PPP2R2B: variants seen among roughly 807,000 people sequenced by gnomAD.
The protein encoded by PPP2R2B is serine/threonine-protein phosphatase 2A 55 kDa regulatory subunit B beta isoform.
A neutral mutation model predicts 46.0 loss-of-function variants in PPP2R2B; 5 were observed. The observed-to-expected ratio is 0.11, with a 90% CI of 0.06 to 0.23. PPP2R2B has a LOEUF of 0.23. Ranked by LOEUF, PPP2R2B falls within the 10% of genes least tolerant of loss-of-function variation. The probability of loss-of-function intolerance (pLI) is 1.00; values close to 1 mark genes in which losing one functional copy is unlikely to be tolerated. For synonymous variants in PPP2R2B, 215 were observed against 206.7 expected (o/e 1.04, Z -0.34); for missense variants, 367 against 575.0 (o/e 0.64, Z 3.70).
chr5:146,592,128 T>C lies in PPP2R2B; in HGVS notation c.1052+843A>G, dbSNP rs1466090148. On this transcript the variant is annotated intron_variant, in intron 9 of 9. Coordinates refer to ENST00000394411, the MANE Select transcript of PPP2R2B (RefSeq NM_181675.4). ...TGTTCTTATGTCACAGTTGCTTTGC[T>C]CTCTGTCCTATACCAACTGGTCAGT... is the stretch of plus-strand genomic sequence containing the variant. The C allele has an allele frequency of 6.7e-6, 3 of 447,022 alleles. No homozygotes were observed. In the Admixed American group the frequency reaches 7.3e-5, roughly 11 times the overall value. 27.7% of individuals were successfully genotyped at this position (447,022 alleles called of 1,614,324 possible).
At position 146,581,508 on chromosome 5, in the gene PPP2R2B, C is replaced by G. The variant is rs577976537; in HGVS notation, c.*8439G>C. The G allele has an allele frequency of 6.6e-6, 1 of 152,244 alleles. No homozygotes were observed. The highest frequency in any genetic ancestry group is 6.5e-5 in the Admixed American group (1 of 15,294). 9.4% of individuals were successfully genotyped at this position (152,244 alleles called of 1,614,324 possible). A position where few individuals can be genotyped will look rare whatever the true frequency, so the allele number is the denominator to read the frequency against. On this transcript the variant is annotated 3_prime_UTR_variant, in exon 10 of 10. Coordinates refer to ENST00000394411, the MANE Select transcript of PPP2R2B (RefSeq NM_181675.4). The stretch of plus-strand genomic sequence containing the variant: ...TGAGATTATGGTGAGGACACAGATC[C>G]AAATCATGTCAATATATAATTAACC...
At chr5:146,883,911 A>G (rs1762244077) in intron 1 of PPP2R2B, among the ~76,000 whole-genome samples, 3 of 152,170 alleles carry the variant, frequency 2.0e-5, no homozygotes, top group African/African-American at 7.2e-5. Context: ...ACAGAAACTT[A>G]TGAAAATACA....
rs148698250 is a variant in PPP2R2B, at chr5:146,708,407, A to ATGTG, written c.71-7269_71-7266dup. On this transcript the variant is annotated intron_variant, in intron 2 of 9. Transcript: ENST00000394411. ...TGTATATCTATGTATGTGTGTGTGT[A>ATGTG]TGTGTGTGTGTGTGTGTGTGTGTGT... 5.3e-3 allele frequency among the ~76,000 whole-genome samples: 738 copies of ATGTG among 138,704 alleles called. 6 individuals are homozygous for ATGTG. The highest frequency in any genetic ancestry group is 8.2e-3 in the Admixed American group (116 of 14,194). The allele number at this position is 138,704 out of a possible 152,430, so 91.0% of individuals were successfully genotyped here.
At chr5:146,952,950 A>G (rs552558812) in intron 1 of PPP2R2B, among the ~76,000 whole-genome samples, 4 of 152,228 alleles carry the variant, frequency 2.6e-5, no homozygotes, top group Non-Finnish European at 5.9e-5. Flanking sequence ...CTAAAATCAT[A>G]GTAAGTTTAG....
chr5:146,790,041 CT>C (rs1756094248), intron 2 of PPP2R2B, among the ~76,000 whole-genome samples: 1 of 152,184 alleles, frequency 6.6e-6, no homozygotes, highest in African/African-American at 2.4e-5. Context: ...CATGCCCCAT[CT>C]CTGGGGGAAA....
chr5:146,755,870 C>G (rs1184520415), intron 2 of PPP2R2B, among the ~76,000 whole-genome samples: 1 of 152,158 alleles, frequency 6.6e-6, no homozygotes, highest in Non-Finnish European at 1.5e-5. Context: ...CTGCAGGCAC[C>G]AAAGCTTATG....
At chr5:147,037,331 T>G (rs1756088631) in intron 1 of PPP2R2B, among the ~76,000 whole-genome samples, 2 of 151,864 alleles carry the variant, frequency 1.3e-5, no homozygotes, top group African/African-American at 4.8e-5. Context: ...CATAGCTACA[T>G]GTGAGTAAAT....
intron 2 of PPP2R2B, among the ~76,000 whole-genome samples, chr5:146,767,782 G>T (rs144634596): frequency 7.9e-5 from 12 of 152,114 alleles, no homozygotes; most frequent in Admixed American, 6.5e-4. Context: ...TTCACTCTTC[G>T]CATTGCACAT....
intron 2 of PPP2R2B, among the ~76,000 whole-genome samples, chr5:146,823,520 C>A (rs182091937): frequency 6.6e-6 from 1 of 151,964 alleles, no homozygotes; most frequent in Non-Finnish European, 1.5e-5. Flanking sequence ...GACGGCACAC[C>A]ACATAACGAG....
chr5:146,607,213 C>T (rs1772376616), intron 7 of PPP2R2B: 1 of 152,144 alleles, frequency 6.6e-6, no homozygotes, highest in Non-Finnish European at 1.5e-5. Context: ...ACAATTTTCC[C>T]ACAGAGGGTA....
chr5:146,633,492 C>T (rs551987924), intron 7 of PPP2R2B, among the ~76,000 whole-genome samples: 5 of 152,370 alleles, frequency 3.3e-5, no homozygotes, highest in East Asian at 1.9e-4. Flanking sequence ...AGCTGGGGCT[C>T]GTAGCCGCAG....
chr5:146,905,541 C>T (rs1211053256), intron 1 of PPP2R2B, among the ~76,000 whole-genome samples: 1 of 152,130 alleles, frequency 6.6e-6, no homozygotes, highest in African/African-American at 2.4e-5. Flanking sequence ...AGACATGAGG[C>T]ACTGTTCCTG....
intron 2 of PPP2R2B, among the ~76,000 whole-genome samples, chr5:146,758,170 C>T (rs540733060): frequency 6.6e-6 from 1 of 152,242 alleles, no homozygotes; most frequent in East Asian, 1.9e-4. Context: ...TCTGGAGTTA[C>T]TCATACAAGC....
rs561372236 is a variant in PPP2R2B at position 146,911,371 on chromosome 5, G to A, written c.79+144294C>T. On this transcript the variant is annotated intron_variant, in intron 1 of 8. Transcript: ENST00000336640. Reference sequence around the variant, plus strand: ...TGCTAGGATTACAGGGGTAAGCCACGGTGGCCAGCCTCTTGACTTTTAAAA... The same window carrying A: ...TGCTAGGATTACAGGGGTAAGCCACAGTGGCCAGCCTCTTGACTTTTAAAA... Among the ~76,000 whole-genome samples, 24 of 152,114 alleles carry A rather than the reference G, an allele frequency of 1.6e-4. 1 individual carries two copies. In the South Asian group the frequency reaches 2.7e-3, roughly 17 times the overall value.
At chr5:146,877,951 C>T in intron 2 of PPP2R2B, 51 bp downstream of exon 2, 10 of 1,582,936 alleles carry the variant, frequency 6.3e-6, no homozygotes, top group Non-Finnish European at 8.6e-6. Context: ...GCACAGTGAT[C>T]CGCAACTTGC....
intron 1 of PPP2R2B, among the ~76,000 whole-genome samples, chr5:147,018,384 G>A (rs1394281901): frequency 6.6e-6 from 1 of 152,110 alleles, no homozygotes; most frequent in African/African-American, 2.4e-5. Flanking sequence ...CATCTGTCAG[G>A]AGGGATAGTT....
At chr5:147,060,918 T>C (rs1757238696), upstream of PPP2R2B, among the ~76,000 whole-genome samples, 1 of 152,196 alleles carries the variant, frequency 6.6e-6, no homozygotes, top group Non-Finnish European at 1.5e-5. Context: ...GATAAGTACA[T>C]GCTGGATTGA....
rs980890204 is a variant in PPP2R2B at position 146,581,095 on chromosome 5, A to G, written c.*8852T>C. 6.6e-6 allele frequency: 1 copy of G among 152,166 alleles called. No individual in the cohort carries two copies. Among genetic ancestry groups the G allele is most frequent in the African/African-American group, 2.4e-5 (1 of 41,434 alleles). 9.4% of individuals were successfully genotyped at this position (152,166 alleles called of 1,614,324 possible). On this transcript the variant is annotated 3_prime_UTR_variant, in exon 10 of 10. Transcript: ENST00000394411. ...TCAAGAAACATCACAAATTACCTCTATTAGTCTGTTCTTGCATTGCTATAA... is the reference window on the plus strand; with the variant it reads ...TCAAGAAACATCACAAATTACCTCTGTTAGTCTGTTCTTGCATTGCTATAA...
chr5:146,903,933 A>C (rs1762919596), intron 1 of PPP2R2B, among the ~76,000 whole-genome samples: 1 of 152,126 alleles, frequency 6.6e-6, no homozygotes, highest in African/African-American at 2.4e-5. Context: ...CAAATGATAG[A>C]TTCTTCCCAT....
Sources: allele counts gnomAD v4.1 joint callset (sites outside exome capture counted in the v4.1 genomes callset), GRCh38; gene constraint gnomAD v4.1.1; transcripts MANE v1.5; gene names NCBI Gene and HGNC (gene_info 2026-07-23, HGNC 2026-07-21).